Variants in COL22A1 observed in about 807,000 individuals in gnomAD.
The protein encoded by COL22A1 is collagen type XXII alpha 1 chain.
COL22A1 carries 221 observed loss-of-function variants against 248.9 expected under a neutral mutation model. The ratio of observed to expected loss-of-function variants is 0.89; its 90% CI spans 0.80 to 0.99. The LOEUF is 0.99. Among genes scored for constraint, COL22A1 ranks in the 50% least tolerant of loss-of-function variants. The pLI is 0.00. For synonymous variants in COL22A1, 891 were observed against 793.4 expected (o/e 1.12, Z -2.07); for missense variants, 2,240 against 2,179.0 (o/e 1.03, Z -0.56).
intron 35 of COL22A1, among the ~76,000 whole-genome samples, 154 bp downstream of exon 35, chr8:138,693,492 G>A (rs4909833): frequency 0.37 from 57,015 of 152,104 alleles, 11,011 homozygotes; most frequent in South Asian, 0.45. Context: ...ACCTCTCTCC[G>A]TGCTGACTCC....
intron 16 of COL22A1, among the ~76,000 whole-genome samples, chr8:138,766,208 C>T (rs1833897492): frequency 6.6e-6 from 1 of 152,164 alleles, no homozygotes; most frequent in African/African-American, 2.4e-5. Context: ...ACTTGCACAC[C>T]AAGATGAGTG....
At chr8:138,677,685 C>T (rs1487178904) in intron 40 of COL22A1, among the ~76,000 whole-genome samples, 2 of 152,200 alleles carry the variant, frequency 1.3e-5, no homozygotes, top group African/African-American at 2.4e-5. Context: ...AGGGGTGTTG[C>T]CCCAGATACT....
At chr8:138,888,291 A>G (rs4736229) in intron 1 of COL22A1, among the ~76,000 whole-genome samples, 119,946 of 152,044 alleles carry the variant, frequency 0.79, 48,390 homozygotes, top group East Asian at 0.99. Context: ...AGGGGGTTGT[A>G]GGGGAAGGCA....
intron 62 of COL22A1, among the ~76,000 whole-genome samples, chr8:138,595,730 G>C (rs1037203827): frequency 5.3e-5 from 8 of 152,192 alleles, no homozygotes. Context: ...GTTTATAGCT[G>C]TGTCCTTGCT....
chr8:138,689,162 G>A (rs181314181), intron 36 of COL22A1, among the ~76,000 whole-genome samples, 192 bp from the exon 37 acceptor site: 1 of 145,622 alleles, frequency 6.9e-6, no homozygotes, highest in East Asian at 2.0e-4. Flanking sequence ...CTCTCCCGGG[G>A]GGGGGGCTGG....
chr8:138,847,447 G>A (rs957654931), intron 3 of COL22A1, among the ~76,000 whole-genome samples: 1 of 152,124 alleles, frequency 6.6e-6, no homozygotes, highest in Non-Finnish European at 1.5e-5. Context: ...TGCCACCTTA[G>A]TTCAGAAAGA....
In COL22A1 at chr8:138,593,619, G is replaced by A. The variant is rs573375514; in HGVS notation, c.4615+398C>T. On this transcript the variant is annotated intron_variant, in intron 63 of 64. Transcript: ENST00000303045. Reference sequence around the variant, plus strand: ...ATGTCCTGATAAGTCACTGCCTTGAGACCTGGGCAGTTAACAGCTGTTTTG... The same window carrying A: ...ATGTCCTGATAAGTCACTGCCTTGAAACCTGGGCAGTTAACAGCTGTTTTG... Among the ~76,000 whole-genome samples, 9 of 152,198 alleles carry A rather than the reference G, an allele frequency of 5.9e-5. No individual in the cohort carries two copies. In the East Asian group the frequency reaches 1.8e-3, roughly 30 times the overall value.
At chr8:138,736,998 C>T (rs1325301171) in intron 23 of COL22A1, among the ~76,000 whole-genome samples, 1 of 152,116 alleles carries the variant, frequency 6.6e-6, no homozygotes, top group East Asian at 1.9e-4. Flanking sequence ...CCCCTTACAA[C>T]TCTCACTGGG....
At chr8:138,591,276 C>T (rs1476598730) in intron 64 of COL22A1, 148 bp downstream of exon 64, 1 of 428,612 alleles carries the variant, frequency 2.3e-6, no homozygotes, top group Admixed American at 4.4e-5. Context: ...TTTAATGAAA[C>T]CAAGTGAGTG....
intron 55 of COL22A1, 36 bp from the exon 56 acceptor site, chr8:138,613,956 G>A (rs1819112163): frequency 3.3e-6 from 5 of 1,535,534 alleles, no homozygotes; most frequent in African/African-American, 1.4e-5. Context: ...TCATCATCAA[G>A]TCACTGTGTG....
intron 1 of COL22A1, among the ~76,000 whole-genome samples, chr8:138,886,780 ACAC>A (rs2132089362): frequency 6.6e-6 from 1 of 152,348 alleles, no homozygotes; most frequent in Admixed American, 6.5e-5. Context: ...TGAAAAAAGT[ACAC>A]CATGAAGGGA....
intron 56 of COL22A1, among the ~76,000 whole-genome samples, chr8:138,613,019 C>A (rs796798125): frequency 1.4e-5 from 2 of 145,030 alleles, no homozygotes; most frequent in African/African-American, 5.1e-5. Flanking sequence ...GAGGGCGAGG[C>A]GGGCAGATTA....
rs79029306 is a variant in COL22A1, at chr8:138,609,303, A to C, written c.3979-1314T>G. On this transcript the variant is annotated intron_variant, in intron 56 of 64. Transcript: ENST00000303045. ...TGAGATCTGAACATAGGCAGCACTGATTCCATCTCACACTGCTCTGCCCCT... is the reference window on the plus strand; with the variant it reads ...TGAGATCTGAACATAGGCAGCACTGCTTCCATCTCACACTGCTCTGCCCCT... 6.2e-3 allele frequency among the ~76,000 whole-genome samples: 947 copies of C among 152,346 alleles called. 12 individuals carry two copies. The highest frequency in any genetic ancestry group is 0.022 in the African/African-American group (912 of 41,580).
intron 3 of COL22A1, among the ~76,000 whole-genome samples, chr8:138,874,728 C>T (rs1484516293): frequency 1.3e-5 from 2 of 152,232 alleles, no homozygotes; most frequent in East Asian, 1.9e-4. Context: ...GACTGCATCA[C>T]TTGGCCTTGC....
chr8:138,712,938 A>G (rs1829118918), intron 30 of COL22A1, among the ~76,000 whole-genome samples: 1 of 152,232 alleles, frequency 6.6e-6, no homozygotes, highest in Non-Finnish European at 1.5e-5. Flanking sequence ...TACGTGTTCT[A>G]TCAGTCTTCT....
rs1219788783 is a variant in COL22A1, at chr8:138,779,515, G to A, written c.1698C>T (p.Gly566=). Residue 566 remains glycine, a synonymous_variant, in exon 14 of 65, where the codon GGC becomes GGT. Transcript: ENST00000303045. Reference sequence around the variant, plus strand: ...AGCTCACAGCAACACTCACCCGCATGCCGACCTCACCCGGCAGCCCCGGCT... The same window carrying A: ...AGCTCACAGCAACACTCACCCGCATACCGACCTCACCCGGCAGCCCCGGCT... The part of the protein sequence containing the change: ...LGEPGLPGEV[G]MRGPQGPPGL... The A allele has an allele frequency of 6.2e-7, 1 of 1,612,076 alleles. No homozygotes were observed. Among genetic ancestry groups the A allele is most frequent in the African/African-American group, 1.3e-5 (1 of 74,968 alleles).
At chr8:138,835,580 C>T (rs1217226100) in intron 4 of COL22A1, among the ~76,000 whole-genome samples, 3 of 152,174 alleles carry the variant, frequency 2.0e-5, no homozygotes. Context: ...GAGTTCGCCA[C>T]CCTATCCCCC....
chr8:138,682,388 A>T (rs1826032295), intron 39 of COL22A1, among the ~76,000 whole-genome samples: 1 of 152,268 alleles, frequency 6.6e-6, no homozygotes, highest in Non-Finnish European at 1.5e-5. Context: ...AGACATATGC[A>T]AGTACAAAAG....
chr8:138,761,315 A>G (rs146808643), intron 17 of COL22A1, among the ~76,000 whole-genome samples: 193 of 152,348 alleles, frequency 1.3e-3, no homozygotes, highest in African/African-American at 4.5e-3. Flanking sequence ...TAAGCAAGTC[A>G]ATAAATCGTG....
Sources: allele counts gnomAD v4.1 joint callset (sites outside exome capture counted in the v4.1 genomes callset), GRCh38; gene constraint gnomAD v4.1.1; transcripts MANE v1.5; gene names NCBI Gene and HGNC (gene_info 2026-07-23, HGNC 2026-07-21).